The following PLEKHA5 variants were observed in gnomAD, a reference collection of about 807,000 sequenced individuals.
PLEKHA5 encodes the protein pleckstrin homology domain containing A5, also known as pleckstrin homology domain-containing family A member 5.
PLEKHA5 carries 55 observed loss-of-function variants against 181.9 expected under a neutral mutation model. The observed-to-expected ratio is 0.30, with a 90% CI of 0.24 to 0.38. PLEKHA5 has a LOEUF of 0.38. PLEKHA5 is among the 10% of genes least tolerant of loss of function. The probability of loss-of-function intolerance (pLI) is 1.00; values close to 1 mark genes in which losing one functional copy is unlikely to be tolerated. For synonymous variants in PLEKHA5, 535 were observed against 529.4 expected (o/e 1.01, Z -0.15); for missense variants, 1,432 against 1,549.5 (o/e 0.92, Z 1.27).
chr12:19,284,099 C>T (rs1298764995), intron 12 of PLEKHA5, among the ~76,000 whole-genome samples: 1 of 152,100 alleles, frequency 6.6e-6, no homozygotes, highest in Non-Finnish European at 1.5e-5. Flanking sequence ...GATGGAGTCT[C>T]TCTCTGTTGC....
At chr12:19,164,273 A>G (rs1478803507) in intron 3 of PLEKHA5, among the ~76,000 whole-genome samples, 1 of 139,244 alleles carries the variant, frequency 7.2e-6, no homozygotes, top group Non-Finnish European at 1.5e-5. Context: ...AACTCTGCTC[A>G]CTGTAACTTC....
At chr12:19,365,208 A>G (rs1334529625) in intron 29 of PLEKHA5, among the ~76,000 whole-genome samples, 8 of 151,930 alleles carry the variant, frequency 5.3e-5, no homozygotes, top group Non-Finnish European at 7.4e-5. Context: ...CGTCTCTACT[A>G]AAAATACAAA....
chr12:19,245,236 GT>G (rs2152478445), intron 3 of PLEKHA5, among the ~76,000 whole-genome samples: 1 of 152,208 alleles, frequency 6.6e-6, no homozygotes, highest in African/African-American at 2.4e-5. Flanking sequence ...CCATGTGTAA[GT>G]TGCTTTGTCT....
chr12:19,259,749 G>A (rs1179231638), intron 6 of PLEKHA5, among the ~76,000 whole-genome samples: 3 of 146,890 alleles, frequency 2.0e-5, no homozygotes, highest in African/African-American at 2.5e-5. Context: ...AGACTGTCTC[G>A]GAAAAAAAAA....
At chr12:19,261,464 CT>C (rs899005307) in intron 7 of PLEKHA5, among the ~76,000 whole-genome samples, 10 of 151,310 alleles carry the variant, frequency 6.6e-5, no homozygotes, top group African/African-American at 2.2e-4. Context: ...TCATTTTGAA[CT>C]TTTTTTTTGA....
chr12:19,184,831 A>G (rs1419814727), intron 3 of PLEKHA5, among the ~76,000 whole-genome samples: 4 of 152,190 alleles, frequency 2.6e-5, no homozygotes, highest in Non-Finnish European at 5.9e-5. Flanking sequence ...AGATAGAAAA[A>G]GAGGAGAGGA....
At chr12:19,148,810 C>T (rs2039612978) in intron 3 of PLEKHA5, among the ~76,000 whole-genome samples, 1 of 152,102 alleles carries the variant, frequency 6.6e-6, no homozygotes, top group African/African-American at 2.4e-5. Context: ...AAAAGGAAAT[C>T]AGCTAGTTAT....
At position 19,257,507 on chromosome 12, in the gene PLEKHA5, G is replaced by T; in HGVS notation, c.507G>T (p.Pro169=). 1 of 1,602,890 alleles carries T rather than the reference G, an allele frequency of 6.2e-7. No homozygotes were observed. Among genetic ancestry groups the T allele is most frequent in the Non-Finnish European group, 8.5e-7 (1 of 1,174,152 alleles). Reference sequence around the variant, plus strand: ...CAATTAAAAGGAATCCTAATGCACCGGTTGTCAGACGAGGTTGGCTTTATA... The same window carrying T: ...CAATTAAAAGGAATCCTAATGCACCTGTTGTCAGACGAGGTTGGCTTTATA... The part of the protein sequence containing the change: ...SNSIKRNPNA[P]VVRRGWLYKQ... The change falls in exon 6 of 32, where the codon CCG becomes CCT. Residue 169 remains proline (P), a synonymous_variant. Transcript: ENST00000429027.
At chr12:19,344,658 C>G (rs1177100353) in intron 22 of PLEKHA5, among the ~76,000 whole-genome samples, 1 of 152,060 alleles carries the variant, frequency 6.6e-6, no homozygotes, top group Non-Finnish European at 1.5e-5. Flanking sequence ...AAAATGCCCT[C>G]CTGAAGGATT....
intron 31 of PLEKHA5, among the ~76,000 whole-genome samples, chr12:19,374,140 C>G (rs2153348742): frequency 1.3e-5 from 2 of 152,146 alleles, no homozygotes; most frequent in South Asian, 4.1e-4. Context: ...ACAAATGACA[C>G]TACGATGTAG....
chr12:19,281,049 G>C (rs11044476), intron 11 of PLEKHA5, among the ~76,000 whole-genome samples: 83,974 of 151,742 alleles, frequency 0.55, 27,455 homozygotes, highest in Non-Finnish European at 0.75. Flanking sequence ...TCTTGTTCTG[G>C]TGGTGGTTAA....
chr12:19,322,738 T>G (rs907735894), intron 20 of PLEKHA5, 71 bp downstream of exon 20: 31 of 996,036 alleles, frequency 3.1e-5, no homozygotes, highest in Non-Finnish European at 4.6e-5. Flanking sequence ...CTCTTTTTTT[T>G]AATACTGGGC....
intron 3 of PLEKHA5, among the ~76,000 whole-genome samples, chr12:19,161,995 T>C (rs1025548274): frequency 2.0e-5 from 3 of 152,192 alleles, no homozygotes; most frequent in African/African-American, 7.2e-5. Context: ...TGATATGAAA[T>C]ATCTAAATTC....
intron 10 of PLEKHA5, 79 bp downstream of exon 10, chr12:19,270,284 T>G (rs1272944720): frequency 1.4e-6 from 1 of 708,742 alleles, no homozygotes; most frequent in African/African-American, 1.8e-5. Context: ...ATTCTAAATC[T>G]TAGAAGAGAG....
At chr12:19,174,428 T>G (rs1305613248) in intron 3 of PLEKHA5, among the ~76,000 whole-genome samples, 1 of 152,216 alleles carries the variant, frequency 6.6e-6, no homozygotes, top group Non-Finnish European at 1.5e-5. Flanking sequence ...GCTAATCTTG[T>G]TATAATATGA....
intron 29 of PLEKHA5, among the ~76,000 whole-genome samples, chr12:19,364,685 G>A (rs562794685): frequency 6.1e-4 from 92 of 150,720 alleles, no homozygotes; most frequent in Middle Eastern, 3.4e-3. Flanking sequence ...TTTTTGAGAC[G>A]GGATCTCACT....
intron 15 of PLEKHA5, among the ~76,000 whole-genome samples, chr12:19,305,476 A>T (rs574843039): frequency 6.6e-6 from 1 of 150,480 alleles, no homozygotes; most frequent in Admixed American, 6.6e-5. Context: ...CAGGAGAATC[A>T]CTTGAACCTG....
chr12:19,303,255 C>T (rs1396391399), intron 15 of PLEKHA5, among the ~76,000 whole-genome samples: 1 of 152,024 alleles, frequency 6.6e-6, no homozygotes, highest in Non-Finnish European at 1.5e-5. Context: ...ACTGCTTAAT[C>T]ACTTGTTATT....
intron 3 of PLEKHA5, among the ~76,000 whole-genome samples, chr12:19,144,121 G>T (rs536613261): frequency 6.6e-6 from 1 of 152,284 alleles, no homozygotes; most frequent in African/African-American, 2.4e-5. Context: ...GCTTCTGATT[G>T]AATAGATGAA....
Sources: allele counts gnomAD v4.1 joint callset (sites outside exome capture counted in the v4.1 genomes callset), GRCh38; gene constraint gnomAD v4.1.1; transcripts MANE v1.5; gene names NCBI Gene and HGNC (gene_info 2026-07-23, HGNC 2026-07-21).